PCDH15: variants seen among roughly 807,000 people sequenced by gnomAD.
PCDH15 encodes the protein protocadherin-15.
A neutral mutation model predicts 178.5 loss-of-function variants in PCDH15; 129 were observed. That is an observed-to-expected ratio of 0.72 (90% CI 0.63 to 0.84). The LOEUF (loss-of-function observed/expected upper bound fraction) is 0.84, where lower values mean the gene tolerates loss of function less well. PCDH15 is among the 40% of genes least tolerant of loss of function. The probability of loss-of-function intolerance (pLI) is 0.00; values close to 1 mark genes in which losing one functional copy is unlikely to be tolerated. For missense variants in PCDH15, 2,230 were observed against 2,099.9 expected (o/e 1.06, Z -1.21); for synonymous variants, 800 against 732.0 (o/e 1.09, Z -1.50).
intron 18 of PCDH15, among the ~76,000 whole-genome samples, chr10:54,053,116 T>C (rs776558706): frequency 1.3e-5 from 2 of 152,028 alleles, no homozygotes; most frequent in Non-Finnish European, 2.9e-5. Context: ...GACTAGTACA[T>C]GTAAGTATAC....
chr10:55,492,713 C>G (rs543251015), intron 2 of PCDH15, among the ~76,000 whole-genome samples: 1 of 151,582 alleles, frequency 6.6e-6, no homozygotes, highest in South Asian at 2.1e-4. Context: ...ATAGGTATGG[C>G]CTTTGAAGAA....
intron 3 of PCDH15, among the ~76,000 whole-genome samples, chr10:54,825,818 T>C (rs1953122167): frequency 6.6e-6 from 1 of 152,124 alleles, no homozygotes; most frequent in Non-Finnish European, 1.5e-5. Flanking sequence ...AATATGTTCC[T>C]TTTTCATGCC....
At chr10:54,320,364 T>C (rs1037629130) in intron 7 of PCDH15, among the ~76,000 whole-genome samples, 2 of 152,060 alleles carry the variant, frequency 1.3e-5, no homozygotes, top group South Asian at 2.1e-4. Context: ...GTGTTAAATA[T>C]ATACACCTTC....
Position 53,940,901 on chromosome 10 carries a change from C to G in PCDH15, c.3197G>C (p.Ser1066Thr), listed in dbSNP as rs760721876. The G allele has an allele frequency of 1.2e-6, 2 of 1,613,668 alleles. No homozygotes were observed. The highest frequency in any genetic ancestry group is 3.3e-5 in the Admixed American group (2 of 60,016). ...GVISAAAINQ[S>T]IVYSIVSGNE... ...TCCTGAAACAATGGAGTACACAATACTTTGATTAATGGCAGCAGCAGAAAT... is the reference window on the plus strand; with the variant it reads ...TCCTGAAACAATGGAGTACACAATAGTTTGATTAATGGCAGCAGCAGAAAT... Residue 1066 changes from serine (S) to threonine (T), a missense_variant, in exon 24 of 38, where the codon AGT (serine) becomes ACT (threonine). By Grantham distance (58) the Ser-to-Thr change is moderately conservative (BLOSUM62 1). Coordinates refer to ENST00000644397, the MANE Select transcript of PCDH15 (RefSeq NM_001384140.1).
At chr10:54,438,098 C>T (rs11004303) in intron 3 of PCDH15, among the ~76,000 whole-genome samples, 72,218 of 151,576 alleles carry the variant, frequency 0.48, 17,972 homozygotes, top group Middle Eastern at 0.52. Context: ...AATTTTGCAA[C>T]CAAATTAAAA....
chr10:55,569,109 G>A (rs141571688), intron 2 of PCDH15, among the ~76,000 whole-genome samples: 7 of 152,098 alleles, frequency 4.6e-5, no homozygotes, highest in Admixed American at 1.3e-4. Flanking sequence ...CACATCTACC[G>A]TACTCCCATG....
At chr10:54,410,374 G>A (rs1216752482) in intron 3 of PCDH15, among the ~76,000 whole-genome samples, 1 of 152,096 alleles carries the variant, frequency 6.6e-6, no homozygotes, top group Non-Finnish European at 1.5e-5. Context: ...GAAAGATCAT[G>A]GTTTTGAATT....
At position 54,796,757 on chromosome 10, in the gene PCDH15, A is replaced by G. The variant is rs548089467; in HGVS notation, c.-29+4168T>C. 2.0e-5 allele frequency among the ~76,000 whole-genome samples: 3 copies of G among 151,888 alleles called. No individual in the cohort carries two copies. In the South Asian group the frequency reaches 6.2e-4, roughly 32 times the overall value. On this transcript the variant is annotated intron_variant, in intron 1 of 37. Transcript: ENST00000644397. Reference sequence around the variant, plus strand: ...TCTTTGAGTTTGTATCTCTGTGAATATCTTTCTGTGACTTATCTGTGTCTG... The same window carrying G: ...TCTTTGAGTTTGTATCTCTGTGAATGTCTTTCTGTGACTTATCTGTGTCTG...
At chr10:54,529,687 T>C (rs1383797782) in intron 2 of PCDH15, among the ~76,000 whole-genome samples, 2 of 152,140 alleles carry the variant, frequency 1.3e-5, no homozygotes, top group Non-Finnish European at 2.9e-5. Flanking sequence ...AAATCTCTGC[T>C]TCTTTTTGTA....
At chr10:54,673,083 AAAATT>A (rs950767196) in intron 1 of PCDH15, among the ~76,000 whole-genome samples, 15 of 152,244 alleles carry the variant, frequency 9.9e-5, no homozygotes, top group African/African-American at 2.2e-4. Flanking sequence ...ATTTAAAAAA[AAAATT>A]AAATTAAAGT....
chr10:55,166,250 C>G lies in PCDH15; in HGVS notation c.-80+326G>C, dbSNP rs575071357. Reference sequence around the variant, plus strand: ...TCTACTACTTTACTGCCAGAATGTTCTCTCCAAGAGAATGAAACAATCAAT... The same window carrying G: ...TCTACTACTTTACTGCCAGAATGTTGTCTCCAAGAGAATGAAACAATCAAT... On this transcript the variant is annotated intron_variant, in intron 2 of 5. Coordinates refer to the PCDH15 transcript ENST00000458638. 5.9e-5 allele frequency among the ~76,000 whole-genome samples: 9 copies of G among 152,204 alleles called. No individual in the cohort carries two copies. The South Asian group carries it at 1.2e-3, about 21-fold the overall frequency.
At chr10:54,098,192 G>GTT in intron 15 of PCDH15, among the ~76,000 whole-genome samples, 1 of 9,026 alleles carries the variant, frequency 1.1e-4, no homozygotes, top group South Asian at 1.9e-3. Context: ...AAATAAAGTT[G>GTT]TGTGTGTGTG....
intron 3 of PCDH15, 69 bp from the exon 4 acceptor site, chr10:54,379,011 C>T (rs1948846096): frequency 2.6e-6 from 4 of 1,562,702 alleles, no homozygotes; most frequent in South Asian, 1.1e-5. Flanking sequence ...AGATCATGCT[C>T]TTAAACCGCG....
chr10:54,310,421 T>G (rs1439948543), intron 8 of PCDH15, among the ~76,000 whole-genome samples: 1 of 152,048 alleles, frequency 6.6e-6, no homozygotes, highest in East Asian at 1.9e-4. Context: ...CAGATTTGAG[T>G]AAGAGTATAT....
Position 55,382,275 on chromosome 10 carries a change from G to A in PCDH15, c.-155-215624C>T, listed in dbSNP as rs76022952. ...AAGAGGCTTATATCCAAATCCCTGCGAGCTGCGATCATGTTATATTGCATG... is the reference window on the plus strand; with the variant it reads ...AAGAGGCTTATATCCAAATCCCTGCAAGCTGCGATCATGTTATATTGCATG... On this transcript the variant is annotated intron_variant, in intron 2 of 5. Transcript: ENST00000613346. Among the ~76,000 whole-genome samples, 1,138 of 152,072 alleles carry A rather than the reference G, an allele frequency of 7.5e-3. 18 individuals carry two copies. Among genetic ancestry groups the A allele is most frequent in the East Asian group, 0.033 (170 of 5,150 alleles).
chr10:54,069,376 A>G (rs371536734), intron 17 of PCDH15, among the ~76,000 whole-genome samples: 1 of 152,216 alleles, frequency 6.6e-6, no homozygotes, highest in Non-Finnish European at 1.5e-5. Context: ...GAAGAATACA[A>G]CCAGATCACT....
At chr10:54,974,689 A>G (rs1415427864) in intron 2 of PCDH15, among the ~76,000 whole-genome samples, 2 of 152,010 alleles carry the variant, frequency 1.3e-5, no homozygotes, top group African/African-American at 4.8e-5. Context: ...AACCCTTCAG[A>G]GTTGTAAAAG....
chr10:54,785,665 C>G (rs190202535), intron 1 of PCDH15, among the ~76,000 whole-genome samples: 1 of 152,070 alleles, frequency 6.6e-6, no homozygotes, highest in Admixed American at 6.6e-5. Context: ...TCAAGACCTT[C>G]TATACTAATT....
At chr10:54,130,827 A>T (rs4539221) in intron 15 of PCDH15, among the ~76,000 whole-genome samples, 42,756 of 152,052 alleles carry the variant, frequency 0.28, 7,014 homozygotes, top group East Asian at 0.88. Flanking sequence ...GGTACCTCCA[A>T]TGCATCTTGT....
Sources: gnomAD v4.1 joint callset for allele counts (sites outside exome capture counted in the v4.1 genomes callset) on GRCh38, gnomAD v4.1.1 for gene constraint, MANE v1.5 for transcripts, NCBI Gene and HGNC (gene_info 2026-07-23, HGNC 2026-07-21) for gene names.